The following NRG1 variants were observed in gnomAD, a reference collection of about 807,000 sequenced individuals.
The protein encoded by NRG1 is pro-neuregulin-1, membrane-bound isoform.
Under a neutral mutation model 63.8 loss-of-function variants are expected in NRG1, and 18 were observed. That is an observed-to-expected ratio of 0.28 (90% CI 0.19 to 0.42). The LOEUF (loss-of-function observed/expected upper bound fraction) is 0.42. NRG1 is among the 10% of genes least tolerant of loss of function. NRG1 has a pLI of 1.00. For synonymous variants in NRG1, 302 were observed against 301.3 expected (o/e 1.00, Z -0.02); for missense variants, 762 against 814.7 (o/e 0.94, Z 0.79).
intron 1 of NRG1, among the ~76,000 whole-genome samples, chr8:32,313,742 T>C (rs558590617): frequency 6.6e-6 from 1 of 152,194 alleles, no homozygotes; most frequent in Non-Finnish European, 1.5e-5. Context: ...AAATTATTTT[T>C]AAAACATCAT....
At chr8:32,152,070 A>G (rs1303594975) in intron 1 of NRG1, among the ~76,000 whole-genome samples, 2 of 152,252 alleles carry the variant, frequency 1.3e-5, no homozygotes, top group African/African-American at 4.8e-5. Context: ...GAGCTCCACA[A>G]CTGGATTTAA....
At chr8:32,768,570 C>G (rs1277329759), downstream of NRG1, among the ~76,000 whole-genome samples, 2 of 152,206 alleles carry the variant, frequency 1.3e-5, no homozygotes, top group African/African-American at 4.8e-5. Flanking sequence ...TCATGTCTAT[C>G]TAACTGCTCA....
chr8:32,137,328 G>C (rs944892320), intron 1 of NRG1, among the ~76,000 whole-genome samples: 28 of 152,200 alleles, frequency 1.8e-4, no homozygotes, highest in African/African-American at 6.3e-4. Flanking sequence ...TGTAGTCCTA[G>C]CTACTTGGGA....
chr8:32,165,885 G>A (rs892803277), intron 1 of NRG1, among the ~76,000 whole-genome samples: 1 of 152,136 alleles, frequency 6.6e-6, no homozygotes, highest in African/African-American at 2.4e-5. Flanking sequence ...TGCCCCGAAA[G>A]CACCTGTGAG....
chr8:32,240,443 C>T (rs780964051), intron 1 of NRG1, among the ~76,000 whole-genome samples: 11 of 151,994 alleles, frequency 7.2e-5, no homozygotes, highest in Non-Finnish European at 1.6e-4. Context: ...AAAAACGTTG[C>T]GCCAGGGATC....
chr8:31,894,962 A>T (rs942766166), intron 1 of NRG1, among the ~76,000 whole-genome samples: 2 of 152,248 alleles, frequency 1.3e-5, no homozygotes, highest in Non-Finnish European at 2.9e-5. Flanking sequence ...GAGGACTTAC[A>T]TATAACACCA....
chr8:32,161,130 C>A (rs1189349046), intron 1 of NRG1, among the ~76,000 whole-genome samples: 2 of 152,116 alleles, frequency 1.3e-5, no homozygotes, highest in African/African-American at 4.8e-5. Context: ...GGAGTTCTAA[C>A]CTAGCCCCAC....
At chr8:31,868,387 T>A (rs12545449) in intron 1 of NRG1, among the ~76,000 whole-genome samples, 18,511 of 152,118 alleles carry the variant, frequency 0.12, 1,273 homozygotes, top group Admixed American at 0.19. Context: ...CAAATAAATA[T>A]TTCTACTGAA....
intron 1 of NRG1, among the ~76,000 whole-genome samples, chr8:31,881,499 A>G (rs1252442061): frequency 1.3e-5 from 2 of 152,164 alleles, no homozygotes; most frequent in Non-Finnish European, 1.5e-5. Context: ...TCACAACCCT[A>G]TAATGGCTTC....
intron 5 of NRG1, among the ~76,000 whole-genome samples, chr8:32,680,813 TTA>T (rs1262543738): frequency 2.0e-5 from 3 of 152,126 alleles, no homozygotes; most frequent in Non-Finnish European, 2.9e-5. Context: ...GATAGAGGCA[TTA>T]TGTTATTTAT....
At chr8:31,792,133 C>A (rs1176042300) in intron 1 of NRG1, among the ~76,000 whole-genome samples, 1 of 152,162 alleles carries the variant, frequency 6.6e-6, no homozygotes, top group Non-Finnish European at 1.5e-5. Flanking sequence ...TAGTGCTCAT[C>A]CTTGTCACCT....
intron 1 of NRG1, among the ~76,000 whole-genome samples, chr8:32,551,399 T>G (rs1157170646): frequency 6.6e-6 from 1 of 152,206 alleles, no homozygotes; most frequent in African/African-American, 2.4e-5. Context: ...CAAGCCTCTC[T>G]TCAGCTGTTT....
At chr8:32,450,391 G>T (rs1820802521) in intron 1 of NRG1, among the ~76,000 whole-genome samples, 2 of 151,752 alleles carry the variant, frequency 1.3e-5, no homozygotes, top group Non-Finnish European at 2.9e-5. Context: ...CTCCTGCCTG[G>T]GTGACACAGT....
chr8:32,403,592 C>T lies in NRG1; in HGVS notation c.38-192236C>T, dbSNP rs1474357981. Among the ~76,000 whole-genome samples the T allele has an allele frequency of 3.9e-5, 6 of 152,082 alleles. No individual in the cohort carries two copies. The South Asian group carries it at 1.2e-3, about 32-fold the overall frequency. ...CTTCTCTAAATAGAGTATCTGAATC[C>T]CTCCCTGCTCGAAAGTCTCCTTTAT... On this transcript the variant is annotated intron_variant, in intron 1 of 10. Coordinates refer to the NRG1 transcript ENST00000519301.
At chr8:31,702,488 A>G (rs887075042) in intron 1 of NRG1, among the ~76,000 whole-genome samples, 2 of 150,920 alleles carry the variant, frequency 1.3e-5, no homozygotes, top group African/African-American at 4.9e-5. Context: ...GGGTATGGAT[A>G]CTATATGGGC....
chr8:32,367,041 A>G (rs189579508), intron 1 of NRG1, among the ~76,000 whole-genome samples: 1,608 of 152,050 alleles, frequency 0.011, 23 homozygotes, highest in African/African-American at 0.031. Context: ...TCATCCATTG[A>G]TGGACATTTA....
chr8:32,698,464 G>C (rs1250851484), intron 5 of NRG1, among the ~76,000 whole-genome samples: 1 of 152,202 alleles, frequency 6.6e-6, no homozygotes, highest in Non-Finnish European at 1.5e-5. Context: ...ACATTTCAGC[G>C]AGGGCGTTTT....
chr8:32,358,777 A>G (rs1382140697), intron 1 of NRG1, among the ~76,000 whole-genome samples: 4 of 152,190 alleles, frequency 2.6e-5, no homozygotes, highest in Non-Finnish European at 4.4e-5. Flanking sequence ...AAGATTACCC[A>G]GGAAGAGTAT....
Position 32,742,885 on chromosome 8 carries a change from A to G in NRG1, c.691+152A>G, listed in dbSNP as rs1826684316. Reference sequence around the variant, plus strand: ...CTGCCTCTGCCTGTCGCATGAGAACATTAACAAAAGCAATTGTATTACTTC... The same window carrying G: ...CTGCCTCTGCCTGTCGCATGAGAACGTTAACAAAAGCAATTGTATTACTTC... On this transcript the variant is annotated intron_variant, in intron 7 of 11. Transcript: ENST00000356819. The surrounding 1 kb of genome is among the most constrained non-coding windows in gnomAD (Gnocchi z 4.2). 23 of 1,550,080 alleles carry G rather than the reference A, an allele frequency of 1.5e-5. No individual in the cohort carries two copies. Among genetic ancestry groups the G allele is most frequent in the East Asian group, 4.6e-5 (2 of 43,742 alleles).
Sources: allele counts gnomAD v4.1 joint callset (sites outside exome capture counted in the v4.1 genomes callset), GRCh38; gene constraint gnomAD v4.1.1; non-coding constraint Gnocchi (gnomAD v3.1); transcripts MANE v1.5; gene names NCBI Gene and HGNC (gene_info 2026-07-23, HGNC 2026-07-21).